The following PRKD1 variants were observed in gnomAD, a reference collection of about 807,000 sequenced individuals.
PRKD1 encodes the protein protein kinase D1.
A neutral mutation model predicts 95.9 loss-of-function variants in PRKD1; 63 were observed. The observed-to-expected ratio is 0.66, with a 90% CI of 0.54 to 0.81. The LOEUF (loss-of-function observed/expected upper bound fraction) is 0.81. PRKD1 is among the 30% of genes least tolerant of loss of function. The pLI is 0.00. For missense variants in PRKD1, 1,048 were observed against 1,165.3 expected, an observed-to-expected ratio of 0.90 and a Z score of 1.47; for synonymous variants, 425 against 423.1, an observed-to-expected ratio of 1.00 and a Z score of -0.05.
At chr14:29,858,276 T>C (rs11620881) in intron 1 of PRKD1, among the ~76,000 whole-genome samples, 2,100 of 152,320 alleles carry the variant, frequency 0.014, 39 homozygotes, top group South Asian at 0.091. Flanking sequence ...TCTTCCCTAC[T>C]AGAACATAAA....
intron 4 of PRKD1, among the ~76,000 whole-genome samples, chr14:29,642,852 CTT>C (rs1179062842): frequency 6.6e-6 from 1 of 150,968 alleles, no homozygotes; most frequent in Non-Finnish European, 1.5e-5. Context: ...AATTTTCACT[CTT>C]AGTCTCTATT....
At chr14:29,901,753 T>TGCTGGGCCCTTTTCAAAAATACTC in intron 1 of PRKD1, among the ~76,000 whole-genome samples, 1 of 152,304 alleles carries the variant, frequency 6.6e-6, no homozygotes, top group East Asian at 1.9e-4. Flanking sequence ...TTTATCACTA[T>TGCTGGGCCCTTTTCAAAAATACTC]GCTGGGCCCT....
intron 4 of PRKD1, among the ~76,000 whole-genome samples, chr14:29,654,091 T>C (rs543981124): frequency 2.0e-5 from 3 of 151,996 alleles, no homozygotes; most frequent in Non-Finnish European, 4.4e-5. Flanking sequence ...TATTTTTTTT[T>C]TTAAAAAAGC....
chr14:29,672,897 AG>A (rs1882947194), intron 2 of PRKD1, among the ~76,000 whole-genome samples: 2 of 152,202 alleles, frequency 1.3e-5, no homozygotes, highest in South Asian at 2.1e-4. Context: ...AAAAAAAAAA[AG>A]AAATTCTCCT....
chr14:29,741,984 C>T (rs1886999552), intron 1 of PRKD1, among the ~76,000 whole-genome samples: 1 of 152,010 alleles, frequency 6.6e-6, no homozygotes, highest in Non-Finnish European at 1.5e-5. Context: ...TTCCATTGTT[C>T]TGACTGTGCT....
intron 4 of PRKD1, among the ~76,000 whole-genome samples, chr14:29,653,442 G>GTA (rs1022977017): frequency 1.4e-4 from 21 of 152,050 alleles, no homozygotes; most frequent in African/African-American, 5.1e-4. Context: ...GATAACTTTA[G>GTA]TAAAGTTATT....
At chr14:29,664,011 AT>A (rs545405230) in intron 3 of PRKD1, 152 bp from the exon 4 acceptor site, 59 of 863,178 alleles carry the variant, frequency 6.8e-5, no homozygotes, top group South Asian at 2.8e-4. Context: ...CATTCTCTGA[AT>A]TTTTTTTCCA....
At chr14:29,688,270 T>G (rs189078498) in intron 2 of PRKD1, among the ~76,000 whole-genome samples, 1 of 152,138 alleles carries the variant, frequency 6.6e-6, no homozygotes, top group East Asian at 1.9e-4. Flanking sequence ...TAGGATAACC[T>G]CCCTATCTTA....
In PRKD1 at chr14:29,780,746, C is replaced by G. The variant is rs373076662; in HGVS notation, c.265-55072G>C. On this transcript the variant is annotated intron_variant, in intron 1 of 17. Coordinates refer to ENST00000331968, the MANE Select transcript of PRKD1 (RefSeq NM_002742.3). ...GACAGTGTGGTGATTTCTCAAGGAT[C>G]TAGAACTAGAAATACCATTTGACCC... 2.3e-4 allele frequency among the ~76,000 whole-genome samples: 35 copies of G among 152,244 alleles called. No homozygotes were observed. In the South Asian group the frequency reaches 6.6e-3, roughly 29 times the overall value.
intron 1 of PRKD1, among the ~76,000 whole-genome samples, chr14:29,766,146 G>C (rs371690481): frequency 6.6e-6 from 1 of 152,156 alleles, no homozygotes; most frequent in Non-Finnish European, 1.5e-5. Context: ...TAAGTGAGCT[G>C]CACTGAGTTA....
rs759336855 is a variant in PRKD1 at position 29,725,567 on chromosome 14, C to T, written c.372G>A (p.Gln124=). 4 of 1,613,690 alleles carry T rather than the reference C, an allele frequency of 2.5e-6. No homozygotes were observed. Among genetic ancestry groups the T allele is most frequent in the Non-Finnish European group, 2.5e-6 (3 of 1,179,746 alleles). ...AGACCACTTCAATAAGATCGCCTTC[C>T]TGGATATCACTGGCCGCTTTCACCA... ...LQLVKAASDI[Q]EGDLIEVVLS... Residue 124 remains glutamine (Q), a synonymous_variant, in exon 2 of 18, where the codon CAG becomes CAA. Transcript: ENST00000331968.
intron 4 of PRKD1, among the ~76,000 whole-genome samples, chr14:29,653,611 A>C (rs566602885): frequency 2.6e-5 from 4 of 152,270 alleles, no homozygotes; most frequent in African/African-American, 7.2e-5. Flanking sequence ...ACTGCTTGAC[A>C]AAAATATTAT....
intron 13 of PRKD1, among the ~76,000 whole-genome samples, chr14:29,603,754 G>A (rs543893765): frequency 6.6e-6 from 1 of 152,242 alleles, no homozygotes; most frequent in South Asian, 2.1e-4. Flanking sequence ...ATAGTAGTGT[G>A]CAAAAAGAGT....
intron 1 of PRKD1, among the ~76,000 whole-genome samples, chr14:29,911,614 T>C (rs1037303645): frequency 3.9e-5 from 6 of 152,218 alleles, no homozygotes; most frequent in Non-Finnish European, 7.4e-5. Flanking sequence ...ATATTAACTA[T>C]ATTTAACTCT....
At chr14:29,608,629 A>G (rs1408438546) in intron 13 of PRKD1, among the ~76,000 whole-genome samples, 1 of 152,172 alleles carries the variant, frequency 6.6e-6, no homozygotes, top group African/African-American at 2.4e-5. Flanking sequence ...ATGTTTTACT[A>G]TAATAACATA....
intron 1 of PRKD1, among the ~76,000 whole-genome samples, chr14:29,851,217 T>C (rs573808642): frequency 5.9e-5 from 9 of 152,018 alleles, no homozygotes; most frequent in Non-Finnish European, 1.2e-4. Flanking sequence ...AAAACAGAAA[T>C]TGACAAGTGG....
chr14:29,857,598 C>G (rs1892554231), intron 1 of PRKD1, among the ~76,000 whole-genome samples: 2 of 152,148 alleles, frequency 1.3e-5, no homozygotes. Flanking sequence ...ATGCAAATAC[C>G]TTCGTTCAGG....
chr14:29,751,383 A>C (rs1415503307), intron 1 of PRKD1, among the ~76,000 whole-genome samples: 1 of 152,164 alleles, frequency 6.6e-6, no homozygotes, highest in Non-Finnish European at 1.5e-5. Flanking sequence ...TTCCTTCCTG[A>C]TAAAAAGATG....
intron 1 of PRKD1, among the ~76,000 whole-genome samples, chr14:29,895,958 A>G (rs1042665174): frequency 1.3e-5 from 2 of 152,144 alleles, no homozygotes; most frequent in African/African-American, 2.4e-5. Context: ...CTTACTCACT[A>G]TGCTTACTTT....
Sources: allele counts gnomAD v4.1 joint callset (sites outside exome capture counted in the v4.1 genomes callset), GRCh38; gene constraint gnomAD v4.1.1; transcripts MANE v1.5; gene names NCBI Gene and HGNC (gene_info 2026-07-23, HGNC 2026-07-21).